The following SPECC1L variants were observed in gnomAD, a reference collection of about 807,000 sequenced individuals.
SPECC1L encodes the protein cytospin-A.
A neutral mutation model predicts 116.8 loss-of-function variants in SPECC1L; 40 were observed. The observed-to-expected ratio is 0.34, with a 90% CI of 0.27 to 0.45. The LOEUF (loss-of-function observed/expected upper bound fraction) is 0.45, where lower values mean the gene tolerates loss of function less well. Among genes scored for constraint, SPECC1L ranks in the 20% least tolerant of loss-of-function variants. The pLI is 1.00. For missense variants in SPECC1L, 1,110 were observed against 1,373.6 expected (o/e 0.81, Z 3.03); for synonymous variants, 504 against 500.6 (o/e 1.01, Z -0.09).
intron 3 of SPECC1L, 40 bp from the exon 4 acceptor site, chr22:24,313,272 CT>C: frequency 3.7e-6 from 6 of 1,608,104 alleles, no homozygotes; most frequent in Non-Finnish European, 5.1e-6. Flanking sequence ...TCTAATCTTG[CT>C]TGATCTAGTA....
intron 3 of SPECC1L, among the ~76,000 whole-genome samples, chr22:24,311,745 C>T (rs1210880353): frequency 3.6e-5 from 5 of 139,556 alleles, no homozygotes; most frequent in Non-Finnish European, 1.5e-5. Context: ...GTGGAGATTG[C>T]AGTGAGCCGA....
chr22:24,336,322 G>T, intron 9 of SPECC1L, among the ~76,000 whole-genome samples: 1 of 151,742 alleles, frequency 6.6e-6, no homozygotes, highest in Admixed American at 6.6e-5. Context: ...GTGTGGTCTT[G>T]TTTTTTTAAG....
intron 4 of SPECC1L, among the ~76,000 whole-genome samples, chr22:24,318,702 T>G: frequency 6.6e-6 from 1 of 152,078 alleles, no homozygotes; most frequent in Non-Finnish European, 1.5e-5. Context: ...GGCAGATCAC[T>G]TGAGCCTAGG....
intron 2 of SPECC1L, among the ~76,000 whole-genome samples, chr22:24,288,644 T>TTTTTTTTTTTTTTG (rs2049097699): frequency 8.0e-6 from 1 of 125,308 alleles, no homozygotes; most frequent in African/African-American, 3.2e-5. Context: ...TTTTTTTTTT[T>TTTTTTTTTTTTTTG]GGACATATCC....
chr22:24,283,718 A>T (rs2048989742), intron 2 of SPECC1L, among the ~76,000 whole-genome samples: 1 of 152,194 alleles, frequency 6.6e-6, no homozygotes, highest in Non-Finnish European at 1.5e-5. Context: ...CTTTGTAGGA[A>T]AGTTTTTAAC....
intron 2 of SPECC1L, among the ~76,000 whole-genome samples, chr22:24,283,387 G>A (rs1386073970): frequency 2.0e-5 from 3 of 152,328 alleles, no homozygotes; most frequent in South Asian, 4.1e-4. Context: ...CTGCCTTGCC[G>A]ATTTTTGAAT....
chr22:24,314,761 C>T (rs1347116254), intron 4 of SPECC1L, among the ~76,000 whole-genome samples: 1 of 152,192 alleles, frequency 6.6e-6, no homozygotes, highest in Non-Finnish European at 1.5e-5. Flanking sequence ...CCCCTGTCCC[C>T]CCATTTTGAA....
In SPECC1L at chr22:24,361,318, A is replaced by G. The variant is rs912969797; in HGVS notation, c.2744-1943A>G. On this transcript the variant is annotated intron_variant, in intron 11 of 16. Coordinates refer to ENST00000314328, the MANE Select transcript of SPECC1L (RefSeq NM_015330.6). The stretch of plus-strand genomic sequence containing the variant: ...GGTGGAGGATCACTTGAGCCTGAGA[A>G]GTCAAGGTGGCAGTGAGCCAAGATC... Among the ~76,000 whole-genome samples, 4 of 145,536 alleles carry G rather than the reference A, an allele frequency of 2.7e-5. No individual in the cohort carries two copies. In the Admixed American group the frequency reaches 2.8e-4, roughly 10 times the overall value.
In SPECC1L at chr22:24,359,000, T is replaced by C. The variant is rs1311666120; in HGVS notation, c.2744-4261T>C. Among the ~76,000 whole-genome samples, 3 of 152,340 alleles carry C rather than the reference T, an allele frequency of 2.0e-5. No individual in the cohort carries two copies. In the East Asian group the frequency reaches 5.8e-4, roughly 29 times the overall value. ...ACTTTGTCAGATGCTGTTAACCTTA[T>C]GCTCTTGATGGTTTATTTCCTTCTC... On this transcript the variant is annotated intron_variant, in intron 11 of 16. Coordinates refer to ENST00000314328, the MANE Select transcript of SPECC1L (RefSeq NM_015330.6).
rs201723585 is a variant in SPECC1L at position 24,271,016 on chromosome 22, G to C, written c.-142+33G>C. The C allele has an allele frequency of 2.0e-5, 3 of 152,428 alleles. No individual in the cohort carries two copies. In the East Asian group the frequency reaches 5.8e-4, roughly 30 times the overall value. 9.4% of individuals were successfully genotyped at this position (152,428 alleles called of 1,614,324 possible). On this transcript the variant is annotated intron_variant, in intron 1 of 16. Transcript: ENST00000314328. Reference sequence around the variant, plus strand: ...CAGCAGCCGGGTTCCCGCAGTGTTCGCTGGCGGGTTGGTTTATCGCCTCAG... The same window carrying C: ...CAGCAGCCGGGTTCCCGCAGTGTTCCCTGGCGGGTTGGTTTATCGCCTCAG...
intron 3 of SPECC1L, among the ~76,000 whole-genome samples, chr22:24,305,487 G>A (rs920440141): frequency 1.3e-5 from 2 of 151,970 alleles, no homozygotes; most frequent in African/African-American, 2.4e-5. Flanking sequence ...ATCTAGCAGC[G>A]GTCACTTCCT....
At chr22:24,288,843 C>T (rs1301799959) in intron 2 of SPECC1L, among the ~76,000 whole-genome samples, 1 of 152,070 alleles carries the variant, frequency 6.6e-6, no homozygotes, top group East Asian at 1.9e-4. Flanking sequence ...TCAGGCTGGT[C>T]TTGAACTCCT....
intron 2 of SPECC1L, among the ~76,000 whole-genome samples, chr22:24,296,635 T>C (rs1417289732): frequency 4.1e-4 from 62 of 151,994 alleles, no homozygotes; most frequent in African/African-American, 1.5e-3. Flanking sequence ...CTGTGAACTG[T>C]GCTCCTTCGC....
At position 24,338,587 on chromosome 22, in the gene SPECC1L, C is replaced by G. The variant is rs2041109562; in HGVS notation, c.2652+110C>G. On this transcript the variant is annotated intron_variant, in intron 10 of 16. Coordinates refer to ENST00000314328, the MANE Select transcript of SPECC1L (RefSeq NM_015330.6). ...TTAGTTGGGTAAATGACTACCTCAG[C>G]AGGGATGTATCTAGAATTTGTTTCC... 18 of 858,066 alleles carry G rather than the reference C, an allele frequency of 2.1e-5. No homozygotes were observed. The South Asian group carries it at 2.5e-4, about 12-fold the overall frequency. The allele number at this position is 858,066 out of a possible 1,614,324, so 53.2% of individuals were successfully genotyped here. A position where few individuals can be genotyped will look rare whatever the true frequency, so the allele number is the denominator to read the frequency against.
intron 9 of SPECC1L, among the ~76,000 whole-genome samples, chr22:24,336,924 A>G (rs1696987856): frequency 2.6e-5 from 4 of 152,230 alleles, no homozygotes; most frequent in Admixed American, 6.5e-5. Flanking sequence ...GAGTTATTCA[A>G]CATAGCCATT....
At position 24,322,893 on chromosome 22, in the gene SPECC1L, A is replaced by G. The variant is rs200587361; in HGVS notation, c.1913A>G (p.Asn638Ser). Residue 638 changes from asparagine to serine, a missense_variant, in exon 5 of 17, where the codon AAT becomes AGT. Physicochemically the swap from Asn to Ser is conservative, Grantham distance 46 (BLOSUM62 1). Around this residue, in one of 4 missense-constraint regions of SPECC1L, gnomAD observed 575 missense variants for 682.4 expected, o/e 0.84. Coordinates refer to ENST00000314328, the MANE Select transcript of SPECC1L (RefSeq NM_015330.6). ...CTGGCTCATACCCGAAATGATGCCA[A>G]TCGATTACAGGATGCCATTGCTAAG... is the stretch of plus-strand genomic sequence containing the variant. ...EDLAHTRNDA[N>S]RLQDAIAKVE... The G allele has an allele frequency of 4.8e-5, 78 of 1,613,842 alleles. No individual in the cohort carries two copies. Among genetic ancestry groups the G allele is most frequent in the South Asian group, 2.2e-4 (20 of 91,066 alleles).
In SPECC1L at chr22:24,417,725, C is replaced by T. The variant is rs1601384548; in HGVS notation, c.*3102C>T. 1 of 152,186 alleles carries T rather than the reference C, an allele frequency of 6.6e-6. No homozygotes were observed. Among genetic ancestry groups the T allele is most frequent in the Admixed American group, 6.5e-5 (1 of 15,284 alleles). 9.4% of individuals were successfully genotyped at this position (152,186 alleles called of 1,614,324 possible). On this transcript the variant is annotated 3_prime_UTR_variant, in exon 17 of 17. Coordinates refer to ENST00000314328, the MANE Select transcript of SPECC1L (RefSeq NM_015330.6). ...TCCTACCCAGAGGCAACCAGATAAA[C>T]TTTTTTGCCTGTGCATTGTTTTTTG...
intron 11 of SPECC1L, among the ~76,000 whole-genome samples, chr22:24,362,056 T>TCCC (rs897817854): frequency 6.6e-6 from 1 of 152,214 alleles, no homozygotes; most frequent in Non-Finnish European, 1.5e-5. Flanking sequence ...GCTGAGAGTC[T>TCCC]TCATTACATA....
At position 24,349,909 on chromosome 22, in the gene SPECC1L, G is replaced by A. The variant is rs62233138; in HGVS notation, c.2743+2733G>A. 7.8e-3 allele frequency among the ~76,000 whole-genome samples: 1,183 copies of A among 152,260 alleles called. 9 individuals are homozygous for A. The highest frequency in any genetic ancestry group is 0.024 in the South Asian group (117 of 4,824). On this transcript the variant is annotated intron_variant, in intron 11 of 16. Transcript: ENST00000314328. ...GCTTGAAAAACAGAAATTGAAACCT[G>A]CTACTCTAGTCAAACCCTCTACATC...
Sources: gnomAD v4.1 joint callset for allele counts (sites outside exome capture counted in the v4.1 genomes callset) on GRCh38, gnomAD v4.1.1 for gene constraint, gnomAD v4.1.1 regional missense constraint, MANE v1.5 for transcripts, NCBI Gene and HGNC (gene_info 2026-07-23, HGNC 2026-07-21) for gene names.